Variants in LAD1 observed in about 807,000 individuals in gnomAD.
The protein encoded by LAD1 is ladinin-1.
A neutral mutation model predicts 54.2 loss-of-function variants in LAD1; 53 were observed. The ratio of observed to expected loss-of-function variants is 0.98; its 90% CI spans 0.78 to 1.23. LAD1 has a LOEUF of 1.23. Among genes scored for constraint, LAD1 ranks in the 50% most tolerant of loss-of-function variants. The pLI is 0.00. For missense variants in LAD1, 637 were observed against 653.3 expected (o/e 0.98, Z 0.27); for synonymous variants, 231 against 257.7 (o/e 0.90, Z 0.99).
At chr1:201,393,639 G>T (rs1201876368) in intron 1 of LAD1, among the ~76,000 whole-genome samples, 2 of 151,802 alleles carry the variant, frequency 1.3e-5, no homozygotes, top group African/African-American at 4.8e-5. Flanking sequence ...CCAGCCACTT[G>T]GGAGGCTGAG....
At chr1:201,383,957 A>ACTT (rs771502129) in intron 5 of LAD1, among the ~76,000 whole-genome samples, 1 of 152,138 alleles carries the variant, frequency 6.6e-6, no homozygotes, top group Non-Finnish European at 1.5e-5. Context: ...ACATGAGCAA[A>ACTT]CTTCCTGCTA....
chr1:201,383,449 C>T, intron 5 of LAD1, 60 bp from the exon 6 acceptor site: 1 of 1,488,074 alleles, frequency 6.7e-7, no homozygotes, highest in Non-Finnish European at 9.4e-7. Context: ...ACCAGGCCTG[C>T]CCCCAGGGCC....
rs751719948 is a variant in LAD1, at chr1:201,384,788, C to T, written c.1175+4G>A. ...GAAAGAACCAGAGCCTCCAGGCCCC[C>T]CACCTGCGAGTTAGGGTTGTTTCCG... On this transcript the variant is annotated splice_donor_region_variant and intron_variant, in intron 5 of 9. Coordinates refer to ENST00000391967, the MANE Select transcript of LAD1 (RefSeq NM_005558.4). 1.4e-5 allele frequency: 22 copies of T among 1,613,908 alleles called. No homozygotes were observed. The highest frequency in any genetic ancestry group is 6.7e-5 in the African/African-American group (5 of 74,922).
intron 1 of LAD1, among the ~76,000 whole-genome samples, chr1:201,389,823 A>G (rs185381530): frequency 6.6e-6 from 1 of 152,314 alleles, no homozygotes; most frequent in African/African-American, 2.4e-5. Context: ...CTCTGTCTCA[A>G]AAAAGAAAGA....
intron 1 of LAD1, among the ~76,000 whole-genome samples, chr1:201,394,527 CT>C (rs1335413768): frequency 6.6e-6 from 1 of 152,216 alleles, no homozygotes; most frequent in East Asian, 1.9e-4. Flanking sequence ...CAAGATTCCC[CT>C]GGGCCTCTGC....
At chr1:201,395,758 A>G (rs1396959694) in intron 1 of LAD1, among the ~76,000 whole-genome samples, 2 of 152,118 alleles carry the variant, frequency 1.3e-5, no homozygotes, top group South Asian at 2.1e-4. Context: ...GACTCTGTCC[A>G]TCTCGTATAT....
At position 201,381,357 on chromosome 1, in the gene LAD1, G is replaced by C. The variant is rs886250053; in HGVS notation, c.*531C>G. 1 of 161,552 alleles carries C rather than the reference G, an allele frequency of 6.2e-6. No individual in the cohort carries two copies. The highest frequency in any genetic ancestry group is 5.6e-5 in the Admixed American group (1 of 17,770). 10.0% of individuals were successfully genotyped at this position (161,552 alleles called of 1,614,324 possible). A position where few individuals can be genotyped will look rare whatever the true frequency, so the allele number is the denominator to read the frequency against. On this transcript the variant is annotated 3_prime_UTR_variant, in exon 10 of 10. Transcript: ENST00000391967. Reference sequence around the variant, plus strand: ...GGAGGGGAGAACCAAGCAGGGAGACGGGGCACAGGGAAGACGCACGGCAGC... The same window carrying C: ...GGAGGGGAGAACCAAGCAGGGAGACCGGGCACAGGGAAGACGCACGGCAGC...
At chr1:201,387,296 T>C in intron 2 of LAD1, 118 bp from the exon 3 acceptor site, 1 of 1,150,704 alleles carries the variant, frequency 8.7e-7, no homozygotes, top group Non-Finnish European at 1.1e-6. Flanking sequence ...TGTCAGGCCC[T>C]GGCCTCCCCG....
intron 1 of LAD1, among the ~76,000 whole-genome samples, chr1:201,394,981 G>A (rs535108201): frequency 3.3e-5 from 5 of 152,294 alleles, no homozygotes; most frequent in African/African-American, 9.6e-5. Context: ...GATGGTGCAT[G>A]AGCACTCAGA....
intron 9 of LAD1, 66 bp from the exon 10 acceptor site, chr1:201,381,959 C>T (rs1661971750): frequency 6.4e-7 from 1 of 1,553,530 alleles, no homozygotes; most frequent in African/African-American, 1.4e-5. Flanking sequence ...AAGGGGGCCA[C>T]TGGATAGGAA....
In LAD1 at chr1:201,382,708, G is replaced by A; in HGVS notation, c.1418C>T (p.Ser473Leu). ...ENLRLSGVVT[S>L]RLNLWISRTQ... ...CCTGCTGATCCACAGGTTGAGCCTT[G>A]ATGTCACAACCCCTGAGAGCCTCAA... Residue 473 changes from serine (S) to leucine (L), a missense_variant, in exon 8 of 10, where the codon TCA becomes TTA. By Grantham distance (145) the Ser-to-Leu change is moderately radical. Transcript: ENST00000391967. The A allele has an allele frequency of 1.2e-6, 2 of 1,607,904 alleles. No individual in the cohort carries two copies. Among genetic ancestry groups the A allele is most frequent in the East Asian group, 2.2e-5 (1 of 44,792 alleles).
intron 1 of LAD1, among the ~76,000 whole-genome samples, chr1:201,393,851 C>CTT (rs35169716): frequency 0.32 from 35,858 of 112,030 alleles, 6,422 homozygotes; most frequent in Non-Finnish European, 0.37. Flanking sequence ...TTAAGTTTTG[C>CTT]TTTTTTTTTT....
chr1:201,390,404 G>T (rs985337770), intron 1 of LAD1, among the ~76,000 whole-genome samples: 3 of 151,936 alleles, frequency 2.0e-5, no homozygotes, highest in Non-Finnish European at 4.4e-5. Context: ...GGGCATAGCG[G>T]TGCATGCCTA....
rs1205214725 is a variant in LAD1 at position 201,380,846 on chromosome 1, A to G, written c.*1042T>C. 1.3e-5 allele frequency: 2 copies of G among 152,182 alleles called. No homozygotes were observed. Among genetic ancestry groups the G allele is most frequent in the Non-Finnish European group, 2.9e-5 (2 of 68,036 alleles). The allele number at this position is 152,182 out of a possible 1,614,324, so 9.4% of individuals were successfully genotyped here. A position where few individuals can be genotyped will look rare whatever the true frequency, so the allele number is the denominator to read the frequency against. On this transcript the variant is annotated 3_prime_UTR_variant, in exon 10 of 10. Coordinates refer to ENST00000391967, the MANE Select transcript of LAD1 (RefSeq NM_005558.4). ...TCAATCAAGATGGAGAGTTCTAATGATTTAAATTTTTGAAAAGTTGTAAAC... is the reference window on the plus strand; with the variant it reads ...TCAATCAAGATGGAGAGTTCTAATGGTTTAAATTTTTGAAAAGTTGTAAAC...
chr1:201,383,267 C>G lies in LAD1; in HGVS notation c.1248+50G>C, dbSNP rs200667130. ...ATGCTGGGGAGGGGAAAGGGCCATG[C>G]CCACTACTCATCCTGCACCCTCCGC... On this transcript the variant is annotated intron_variant, in intron 6 of 9. Transcript: ENST00000391967. The G allele has an allele frequency of 1.9e-4, 301 of 1,614,078 alleles. No individual in the cohort carries two copies. The East Asian group carries it at 2.7e-3, about 14-fold the overall frequency.
At chr1:201,386,073 C>T (rs764912042) in intron 3 of LAD1, among the ~76,000 whole-genome samples, 3 of 152,196 alleles carry the variant, frequency 2.0e-5, no homozygotes, top group Non-Finnish European at 2.9e-5. Context: ...AGCCCAGGCC[C>T]TGGATGAGGA....
rs532512093 is a variant in LAD1 at position 201,386,278 on chromosome 1, C to T, written c.1026+57G>A. ...CAGGGACTACCTGGGTGGGACTGGC[C>T]GGCAGTGCCAGCCAGGTGGCAGAGT... On this transcript the variant is annotated intron_variant, in intron 3 of 9. Coordinates refer to ENST00000391967, the MANE Select transcript of LAD1 (RefSeq NM_005558.4). The T allele has an allele frequency of 5.7e-5, 75 of 1,312,086 alleles. No individual in the cohort carries two copies. In the East Asian group the frequency reaches 1.2e-3, roughly 21 times the overall value. The allele number at this position is 1,312,086 out of a possible 1,614,324, so 81.3% of individuals were successfully genotyped here. A position where few individuals can be genotyped will look rare whatever the true frequency, so the allele number is the denominator to read the frequency against.
At chr1:201,382,985 GT>G in intron 7 of LAD1, 88 bp downstream of exon 7, 1 of 1,465,008 alleles carries the variant, frequency 6.8e-7, no homozygotes. Context: ...CATGAAAACA[GT>G]TTTCTAGCAT....
At position 201,389,279 on chromosome 1, in the gene LAD1, C is replaced by T. The variant is rs1226060898; in HGVS notation, c.63G>A (p.Glu21=). 1.9e-6 allele frequency: 3 copies of T among 1,613,654 alleles called. No homozygotes were observed. Among genetic ancestry groups the T allele is most frequent in the Non-Finnish European group, 2.5e-6 (3 of 1,179,972 alleles). The part of the protein sequence containing the change: ...LSSLARQRTL[E]DEEEQERERR... ...GCTCGCGCTCCTGTTCCTCCTCATC[C>T]TCCAGAGTCCTCTGCCGGGCAAGGC... is the stretch of plus-strand genomic sequence containing the variant. The change falls in exon 2 of 10, where the codon GAG becomes GAA. Residue 21 remains glutamate, a synonymous_variant. Transcript: ENST00000391967.
Sources: allele counts gnomAD v4.1 joint callset (sites outside exome capture counted in the v4.1 genomes callset), GRCh38; gene constraint gnomAD v4.1.1; transcripts MANE v1.5; gene names NCBI Gene and HGNC (gene_info 2026-07-23, HGNC 2026-07-21).